The following CALN1 variants were observed in gnomAD, a reference collection of about 807,000 sequenced individuals.
CALN1 encodes the protein calcium-binding protein 8.
A neutral mutation model predicts 30.6 loss-of-function variants in CALN1; 17 were observed. The ratio of observed to expected loss-of-function variants is 0.56; its 90% CI spans 0.38 to 0.83. The LOEUF is 0.83. Ranked by LOEUF, CALN1 falls within the 40% of genes least tolerant of loss-of-function variation. The pLI is 0.00. For missense variants in CALN1, 291 were observed against 354.9 expected (o/e 0.82, Z 1.45); for synonymous variants, 156 against 131.4 (o/e 1.19, Z -1.28).
At chr7:72,222,884 G>A (rs1050482461) in intron 3 of CALN1, among the ~76,000 whole-genome samples, 9 of 152,122 alleles carry the variant, frequency 5.9e-5, no homozygotes, top group Admixed American at 1.3e-4. Context: ...ATTCAGGCAC[G>A]GTGGTGTGCA....
intron 4 of CALN1, among the ~76,000 whole-genome samples, chr7:72,095,170 C>T (rs1237294793): frequency 6.6e-6 from 1 of 152,138 alleles, no homozygotes; most frequent in African/African-American, 2.4e-5. Flanking sequence ...AACCTCGGTA[C>T]TTCATTTTTC....
intron 4 of CALN1, among the ~76,000 whole-genome samples, chr7:72,050,207 T>C (rs1440259009): frequency 6.6e-6 from 1 of 152,162 alleles, no homozygotes; most frequent in Non-Finnish European, 1.5e-5. Flanking sequence ...ATGCCACTAA[T>C]TGTAATAAAA....
intron 2 of CALN1, among the ~76,000 whole-genome samples, chr7:72,330,385 T>G (rs1430953818): frequency 1.3e-5 from 2 of 151,276 alleles, no homozygotes; most frequent in African/African-American, 4.9e-5. Context: ...GAAGAATCAC[T>G]TGAATCCAGT....
chr7:72,326,520 A>C (rs1469371352), intron 2 of CALN1, among the ~76,000 whole-genome samples: 1 of 152,268 alleles, frequency 6.6e-6, no homozygotes, highest in Non-Finnish European at 1.5e-5. Flanking sequence ...CAGATTAAAA[A>C]GCAGAGCAAC....
At chr7:71,790,338 GAA>G (rs200364011) in intron 6 of CALN1, among the ~76,000 whole-genome samples, 2 of 116,944 alleles carry the variant, frequency 1.7e-5, no homozygotes, top group Non-Finnish European at 1.8e-5. Flanking sequence ...AGGAAAGAAA[GAA>G]AGAAAGAAAA....
intron 5 of CALN1, among the ~76,000 whole-genome samples, chr7:71,868,237 T>C (rs1183164648): frequency 6.6e-6 from 1 of 152,132 alleles, no homozygotes; most frequent in Non-Finnish European, 1.5e-5. Context: ...CACAGTTCCA[T>C]GGGCTATATA....
chr7:71,979,507 C>T (rs62462778), intron 5 of CALN1, among the ~76,000 whole-genome samples: 199 of 152,182 alleles, frequency 1.3e-3, no homozygotes, highest in Non-Finnish European at 2.3e-3. Flanking sequence ...GAGACTCTAA[C>T]GCTGCCGCTG....
At chr7:72,194,636 G>A (rs1161617573) in intron 3 of CALN1, among the ~76,000 whole-genome samples, 3 of 141,180 alleles carry the variant, frequency 2.1e-5, no homozygotes, top group Admixed American at 7.7e-5. Context: ...TCTGTCGCCA[G>A]GCTGGAGTGC....
chr7:72,381,539 G>A (rs1412138416), intron 2 of CALN1, among the ~76,000 whole-genome samples: 1 of 152,170 alleles, frequency 6.6e-6, no homozygotes, highest in African/African-American at 2.4e-5. Flanking sequence ...AGGGGCATAT[G>A]AGTCCTTCGC....
intron 2 of CALN1, among the ~76,000 whole-genome samples, chr7:72,287,570 C>A (rs2129554635): frequency 6.6e-6 from 1 of 151,500 alleles, no homozygotes; most frequent in African/African-American, 2.4e-5. Flanking sequence ...CCTCAGCCTC[C>A]CGAGTAGCTG....
chr7:72,323,645 G>C (rs1269163805), intron 2 of CALN1, among the ~76,000 whole-genome samples: 2 of 143,392 alleles, frequency 1.4e-5, no homozygotes, highest in South Asian at 2.2e-4. Context: ...CCTGGGGACA[G>C]AGCGAGACTC....
At chr7:72,046,086 G>A (rs931346559) in intron 4 of CALN1, among the ~76,000 whole-genome samples, 1 of 151,794 alleles carries the variant, frequency 6.6e-6, no homozygotes, top group African/African-American at 2.4e-5. Context: ...GCTGAGGCAG[G>A]AGAATTGCTT....
chr7:71,987,225 G>A (rs186236761), intron 5 of CALN1, among the ~76,000 whole-genome samples: 2 of 152,296 alleles, frequency 1.3e-5, no homozygotes, highest in Admixed American at 1.3e-4. Context: ...CATTTTAAAG[G>A]GGCAACAGAA....
At chr7:72,004,720 A>T (rs1799683947) in intron 5 of CALN1, among the ~76,000 whole-genome samples, 1 of 152,170 alleles carries the variant, frequency 6.6e-6, no homozygotes, top group African/African-American at 2.4e-5. Flanking sequence ...AAACAAAAAC[A>T]ACTAACCAAT....
chr7:72,088,815 A>AT (rs1256581213), intron 4 of CALN1, among the ~76,000 whole-genome samples: 24 of 135,610 alleles, frequency 1.8e-4, no homozygotes, highest in African/African-American at 2.7e-5. Flanking sequence ...CGGCCCAAGA[A>AT]TTTTTTATCT....
In CALN1 at chr7:72,297,101, C is replaced by A. The variant is rs538049072; in HGVS notation, c.120-18291G>T. Among the ~76,000 whole-genome samples the A allele has an allele frequency of 4.5e-3, 689 of 152,184 alleles. 4 individuals are homozygous for A. Among genetic ancestry groups the A allele is most frequent in the African/African-American group, 0.016 (663 of 41,534 alleles). On this transcript the variant is annotated intron_variant, in intron 2 of 6. Coordinates refer to ENST00000395275, the MANE Select transcript of CALN1 (RefSeq NM_031468.4). ...TTCCCTCTACACACTGCTTTGAATG[C>A]GTCCCAGAGACTCTGGTATGTTGTG...
intron 5 of CALN1, among the ~76,000 whole-genome samples, chr7:71,862,829 T>C (rs1328907037): frequency 1.3e-5 from 2 of 152,176 alleles, no homozygotes; most frequent in Admixed American, 1.3e-4. Flanking sequence ...AACAATCTAC[T>C]AGTGGGCAGA....
rs567838107 is a variant in CALN1, at chr7:72,159,190, C to T, written c.245-52896G>A. Among the ~76,000 whole-genome samples, 31 of 152,244 alleles carry T rather than the reference C, an allele frequency of 2.0e-4. 1 individual carries two copies. In the South Asian group the frequency reaches 6.2e-3, roughly 31 times the overall value. On this transcript the variant is annotated intron_variant, in intron 3 of 6. Coordinates refer to ENST00000395275, the MANE Select transcript of CALN1 (RefSeq NM_031468.4). Reference sequence around the variant, plus strand: ...ATTTTTAAAGAAACAAACAAAAAGCCTCTCACTGATGAAGGCACTTTTGGT... The same window carrying T: ...ATTTTTAAAGAAACAAACAAAAAGCTTCTCACTGATGAAGGCACTTTTGGT...
intron 1 of CALN1, among the ~76,000 whole-genome samples, chr7:72,418,537 T>G (rs1047945313): frequency 6.6e-6 from 1 of 152,158 alleles, no homozygotes; most frequent in Non-Finnish European, 1.5e-5. Flanking sequence ...TGGAAGACAG[T>G]AGTCCCCAGA....
Sources: gnomAD v4.1 joint callset for allele counts (sites outside exome capture counted in the v4.1 genomes callset) on GRCh38, gnomAD v4.1.1 for gene constraint, MANE v1.5 for transcripts, NCBI Gene and HGNC (gene_info 2026-07-23, HGNC 2026-07-21) for gene names.